Variants in LAMA2 observed in about 807,000 individuals in gnomAD.
The protein encoded by LAMA2 is laminin subunit alpha 2, also known as laminin subunit alpha-2.
LAMA2 carries 269 observed loss-of-function variants against 364.8 expected under a neutral mutation model. The ratio of observed to expected loss-of-function variants is 0.74; its 90% CI spans 0.67 to 0.82. The LOEUF (loss-of-function observed/expected upper bound fraction) is 0.82. Among genes scored for constraint, LAMA2 ranks in the 40% least tolerant of loss-of-function variants. The pLI, the probability that LAMA2 is intolerant of heterozygous loss-of-function variation, is 0.00. For synonymous variants in LAMA2, 1,379 were observed against 1,370.6 expected, an observed-to-expected ratio of 1.01 and a Z score of -0.14; for missense variants, 3,807 against 3,873.2, an observed-to-expected ratio of 0.98 and a Z score of 0.45.
chr6:129,358,397 T>C (rs1416982543), intron 32 of LAMA2, among the ~76,000 whole-genome samples: 1 of 152,034 alleles, frequency 6.6e-6, no homozygotes, highest in East Asian at 1.9e-4. Context: ...TCAGCAAGTT[T>C]TATTTGAAGA....
intron 9 of LAMA2, among the ~76,000 whole-genome samples, chr6:129,171,734 T>C (rs1200291829): frequency 0.025 from 3,081 of 124,344 alleles, 78 homozygotes; most frequent in East Asian, 0.14. Context: ...CTTGCTAGAT[T>C]GGGGAAGTTC....
rs73776950 is a variant in LAMA2 at position 129,334,125 on chromosome 6, C to T, written c.4311+5713C>T. ...AGAAATAGCTGTTATTACTCCCACA[C>T]AGTAAGTGAGGAAACTGAAGCATAC... On this transcript the variant is annotated intron_variant, in intron 29 of 64. Transcript: ENST00000421865. Among the ~76,000 whole-genome samples the T allele has an allele frequency of 7.2e-3, 1,099 of 152,294 alleles. 5 individuals carry two copies. The highest frequency in any genetic ancestry group is 0.025 in the African/African-American group (1,038 of 41,550).
rs541767550 is a variant in LAMA2 at position 129,311,401 on chromosome 6, A to T, written c.3175-1460A>T. Among the ~76,000 whole-genome samples the T allele has an allele frequency of 3.8e-3, 576 of 152,210 alleles. 3 individuals are homozygous for T. The highest frequency in any genetic ancestry group is 0.013 in the African/African-American group (546 of 41,530). ...CTCCCAAAGTGCTGGGATTACAGGC[A>T]TGAGCCACCGCGCCCGGCCTAATGA... On this transcript the variant is annotated intron_variant, in intron 22 of 64. Coordinates refer to ENST00000421865, the MANE Select transcript of LAMA2 (RefSeq NM_000426.4).
intron 22 of LAMA2, among the ~76,000 whole-genome samples, chr6:129,301,961 C>T (rs570158064): frequency 6.6e-6 from 1 of 152,096 alleles, no homozygotes; most frequent in East Asian, 1.9e-4. Context: ...TGTAATTCAT[C>T]CATATTGTTG....
chr6:128,988,066 A>G (rs1247012793), intron 1 of LAMA2, among the ~76,000 whole-genome samples: 1 of 152,096 alleles, frequency 6.6e-6, no homozygotes, highest in Non-Finnish European at 1.5e-5. Flanking sequence ...GGGTTTCACC[A>G]TGTTGGCCAG....
chr6:129,418,896 A>G (rs903488209), intron 40 of LAMA2, among the ~76,000 whole-genome samples: 1 of 152,166 alleles, frequency 6.6e-6, no homozygotes. Context: ...AAAGTGGTAT[A>G]TATTTATCAT....
chr6:129,265,574 G>A (rs1035361234), intron 15 of LAMA2, among the ~76,000 whole-genome samples: 2 of 152,034 alleles, frequency 1.3e-5, no homozygotes, highest in Non-Finnish European at 2.9e-5. Context: ...AAATGTAATG[G>A]GGAGAAATGG....
At chr6:129,190,855 AT>A in intron 11 of LAMA2, among the ~76,000 whole-genome samples, 1 of 152,202 alleles carries the variant, frequency 6.6e-6, no homozygotes, top group East Asian at 1.9e-4. Flanking sequence ...GGTTTGAAAA[AT>A]TATTACTTAA....
At chr6:129,255,490 C>A (rs1786594031) in intron 14 of LAMA2, among the ~76,000 whole-genome samples, 1 of 149,004 alleles carries the variant, frequency 6.7e-6, no homozygotes, top group African/African-American at 2.5e-5. Flanking sequence ...GTCACCCAGG[C>A]CTGTAGAGGA....
In LAMA2 at chr6:129,087,905, TA is replaced by T. The variant is rs751048885; in HGVS notation, c.397-10267del. Among the ~76,000 whole-genome samples, 1,101 of 151,238 alleles carry T rather than the reference TA, an allele frequency of 7.3e-3. 14 individuals are homozygous for T. Among genetic ancestry groups the T allele is most frequent in the African/African-American group, 0.025 (1,038 of 41,286 alleles). ...TTTTTTTAATTTAATTTTATTTATTTATTTTTTTTATTAATCATTCTTGGGT... is the reference window on the plus strand; with the variant it reads ...TTTTTTTAATTTAATTTTATTTATTTTTTTTTTTATTAATCATTCTTGGGT... On this transcript the variant is annotated intron_variant, in intron 3 of 64. Coordinates refer to ENST00000421865, the MANE Select transcript of LAMA2 (RefSeq NM_000426.4).
chr6:129,022,072 T>A (rs1173158850), intron 1 of LAMA2, among the ~76,000 whole-genome samples: 1 of 152,154 alleles, frequency 6.6e-6, no homozygotes, highest in Non-Finnish European at 1.5e-5. Flanking sequence ...CTAGTAAAAA[T>A]CTCTCCTGCA....
At position 129,024,425 on chromosome 6, in the gene LAMA2, C is replaced by T. The variant is rs147077722; in HGVS notation, c.113-25493C>T. On this transcript the variant is annotated intron_variant, in intron 1 of 64. Transcript: ENST00000421865. ...TTTTGAGACAGTCTCAGTCCATTGCCCAGGCTGGTGTGCAATGGCATGATC... is the reference window on the plus strand; with the variant it reads ...TTTTGAGACAGTCTCAGTCCATTGCTCAGGCTGGTGTGCAATGGCATGATC... Among the ~76,000 whole-genome samples, 857 of 146,750 alleles carry T rather than the reference C, an allele frequency of 5.8e-3. 8 individuals carry two copies. The highest frequency in any genetic ancestry group is 0.02 in the African/African-American group (820 of 40,126).
chr6:128,902,775 C>T (rs1033167160), intron 1 of LAMA2, among the ~76,000 whole-genome samples: 2 of 152,176 alleles, frequency 1.3e-5, no homozygotes, highest in Non-Finnish European at 2.9e-5. Flanking sequence ...CCTCCTGCCT[C>T]AGTCTCCCTC....
chr6:129,185,028 T>G (rs1229807590), intron 10 of LAMA2, among the ~76,000 whole-genome samples: 1 of 151,878 alleles, frequency 6.6e-6, no homozygotes, highest in Non-Finnish European at 1.5e-5. Context: ...GATGCATTAG[T>G]CTAAAGGTCA....
At chr6:129,336,586 G>T (rs904098481) in intron 29 of LAMA2, among the ~76,000 whole-genome samples, 10 of 152,178 alleles carry the variant, frequency 6.6e-5, no homozygotes, top group Admixed American at 5.2e-4. Context: ...TATTGTTGAT[G>T]AACTGATGCT....
intron 1 of LAMA2, among the ~76,000 whole-genome samples, chr6:129,009,624 A>T (rs1460225672): frequency 6.6e-6 from 1 of 152,342 alleles, no homozygotes; most frequent in African/African-American, 2.4e-5. Flanking sequence ...TCAGGGCCAG[A>T]GGACAAAAAC....
chr6:129,481,413 A>G lies in LAMA2; in HGVS notation c.7723A>G (p.Arg2575Gly). ...LGSGGTPAPP[R>G]RKRRQTGQAY... ...AAGTGGAGGGACACCAGCACCACCT[A>G]GGAGAAAACGAAGGCAGACTGGACA... is the stretch of plus-strand genomic sequence containing the variant. Residue 2575 changes from arginine to glycine, a missense_variant, in exon 55 of 65, where the codon AGG (arginine) becomes GGG (glycine). By Grantham distance (125) the Arg-to-Gly change is moderately radical (BLOSUM62 -2). Transcript: ENST00000421865. 6.2e-7 allele frequency: 1 copy of G among 1,613,940 alleles called. No homozygotes were observed. The highest frequency in any genetic ancestry group is 8.5e-7 in the Non-Finnish European group (1 of 1,179,862).
rs752383535 is a variant in LAMA2 at position 129,507,637 on chromosome 6, A to T, written c.8852A>T (p.Lys2951Ile). The T allele has an allele frequency of 1.2e-6, 2 of 1,614,148 alleles. No homozygotes were observed. Among genetic ancestry groups the T allele is most frequent in the Admixed American group, 3.3e-5 (2 of 60,028 alleles). Residue 2951 changes from lysine (K) to isoleucine (I), a missense_variant, in exon 62 of 65, where the codon AAA becomes ATA. Around this residue, in one of 3 missense-constraint regions of LAMA2, gnomAD observed 3,333 missense variants for 3,345.7 expected, o/e 1.00. Coordinates refer to ENST00000421865, the MANE Select transcript of LAMA2 (RefSeq NM_000426.4). ...TATTTTGACGGAACCGGTTTTGCCAAAGCAGGTAAGGCTCTTTCATTTCCT... is the reference window on the plus strand; with the variant it reads ...TATTTTGACGGAACCGGTTTTGCCATAGCAGGTAAGGCTCTTTCATTTCCT... ...GTYFDGTGFA[K>I]AVGGFKVGLD...
At chr6:129,059,303 T>A (rs1401725659) in intron 2 of LAMA2, among the ~76,000 whole-genome samples, 1 of 152,196 alleles carries the variant, frequency 6.6e-6, no homozygotes, top group East Asian at 1.9e-4. Flanking sequence ...TTGGACTCCC[T>A]ACGTCTTAAT....
Sources: allele counts gnomAD v4.1 joint callset (sites outside exome capture counted in the v4.1 genomes callset), GRCh38; gene constraint gnomAD v4.1.1; regional missense constraint gnomAD v4.1.1; transcripts MANE v1.5; gene names NCBI Gene and HGNC (gene_info 2026-07-23, HGNC 2026-07-21).